FBRSL1: variants seen among roughly 807,000 people sequenced by gnomAD.
The protein encoded by FBRSL1 is fibrosin-1-like protein.
FBRSL1 carries 51 observed loss-of-function variants against 89.6 expected under a neutral mutation model. The ratio of observed to expected loss-of-function variants is 0.57; its 90% confidence interval spans 0.45 to 0.72. The LOEUF (loss-of-function observed/expected upper bound fraction) is 0.72, where lower values mean the gene tolerates loss of function less well. FBRSL1 is among the 30% of genes least tolerant of loss of function. The probability of loss-of-function intolerance (pLI) is 0.00; values close to 1 mark genes in which losing one functional copy is unlikely to be tolerated. For missense variants in FBRSL1, 1,618 were observed against 1,451.8 expected (o/e 1.11, Z -1.86); for synonymous variants, 779 against 681.1 (o/e 1.14, Z -2.24).
intron 18 of FBRSL1, among the ~76,000 whole-genome samples, chr12:132,582,487 GAGCCCCGGGGT>G (rs1280473130): frequency 6.7e-6 from 1 of 149,960 alleles, no homozygotes; most frequent in Non-Finnish European, 1.5e-5. Context: ...CAGCTCTGCT[GAGCCCCGGGGT>G]ACGGGGGCCA....
intron 2 of FBRSL1, among the ~76,000 whole-genome samples, chr12:132,514,328 C>A (rs1366279868): frequency 6.6e-6 from 1 of 152,196 alleles, no homozygotes; most frequent in Non-Finnish European, 1.5e-5. Context: ...GTCCTGGGGC[C>A]TCGGAGGGAT....
intron 15 of FBRSL1, among the ~76,000 whole-genome samples, chr12:132,577,554 G>A (rs1330398463): frequency 2.6e-5 from 4 of 152,032 alleles, no homozygotes; most frequent in African/African-American, 9.7e-5. Context: ...ACTGTCCTCA[G>A]TAGCACGGCC....
At chr12:132,498,370 G>A (rs529941833) in intron 1 of FBRSL1, among the ~76,000 whole-genome samples, 95 of 152,346 alleles carry the variant, frequency 6.2e-4, no homozygotes, top group African/African-American at 2.2e-3. Context: ...CTACCTGCCT[G>A]TCAGACACCT....
Position 132,570,506 on chromosome 12 carries a change from G to A in FBRSL1, c.1179G>A (p.Pro393=), listed in dbSNP as rs1033463179. 2.9e-5 allele frequency: 45 copies of A among 1,526,376 alleles called. No individual in the cohort carries two copies. The highest frequency in any genetic ancestry group is 1.2e-4 in the East Asian group (5 of 40,420). 94.6% of individuals were successfully genotyped at this position (1,526,376 alleles called of 1,614,324 possible). A position where few individuals can be genotyped will look rare whatever the true frequency, so the allele number is the denominator to read the frequency against. ...CACTGCCCCCGCCCCCGGCGCTGCC[G>A]GCCAGCAGCCTGGTCCTCCCAGGAC... ...PPTLPPPPAL[P]ASSLVLPGHP... The change falls in exon 8 of 19, where the codon CCG becomes CCA. Residue 393 remains proline (P), a synonymous_variant. Coordinates refer to ENST00000680143, the MANE Select transcript of FBRSL1 (RefSeq NM_001367871.1).
chr12:132,513,966 G>A (rs1457759795), intron 2 of FBRSL1, among the ~76,000 whole-genome samples: 1 of 152,176 alleles, frequency 6.6e-6, no homozygotes, highest in East Asian at 1.9e-4. Context: ...CCTCGTCCGA[G>A]GGCCCCGTCT....
At chr12:132,557,600 G>A (rs937082962) in intron 5 of FBRSL1, among the ~76,000 whole-genome samples, 39 of 152,216 alleles carry the variant, frequency 2.6e-4, no homozygotes, top group African/African-American at 9.4e-4. Flanking sequence ...GTTAGAAAGT[G>A]GGGTTGGAAG....
intron 5 of FBRSL1, among the ~76,000 whole-genome samples, chr12:132,555,197 G>A (rs1185410144): frequency 6.6e-6 from 1 of 152,198 alleles, no homozygotes; most frequent in African/African-American, 2.4e-5. Context: ...AATATTTCAC[G>A]AACGTTAAAC....
rs1472973063 is a variant in FBRSL1 at position 132,582,206 on chromosome 12, G to A, written c.2141G>A (p.Arg714Gln). 6.5e-7 allele frequency: 1 copy of A among 1,550,186 alleles called. No individual in the cohort carries two copies. The highest frequency in any genetic ancestry group is 1.7e-4 in the Middle Eastern group (1 of 5,992). The stretch of plus-strand genomic sequence containing the variant: ...TGGCCCAAGTCCGTGGACGCGGAGC[G>A]GGTGTCAGCCCTGACCAACCATGAC... ...PPWPKSVDAERVSALTNHDRE... is the reference protein window; with the variant it reads ...PPWPKSVDAEQVSALTNHDRE... Residue 714 changes from arginine (R) to glutamine (Q), a missense_variant, in exon 18 of 19, where the codon CGG (arginine) becomes CAG (glutamine). Transcript: ENST00000680143.
At chr12:132,506,789 G>T (rs1057316597) in intron 1 of FBRSL1, among the ~76,000 whole-genome samples, 1 of 152,270 alleles carries the variant, frequency 6.6e-6, no homozygotes, top group East Asian at 1.9e-4. Context: ...GGAGCAGGCC[G>T]CTCACAGCAG....
At chr12:132,503,715 A>C (rs1322533509) in intron 1 of FBRSL1, among the ~76,000 whole-genome samples, 2 of 152,222 alleles carry the variant, frequency 1.3e-5, no homozygotes, top group African/African-American at 4.8e-5. Context: ...CAGCCATGCC[A>C]GCTGGGTGCT....
intron 1 of FBRSL1, among the ~76,000 whole-genome samples, chr12:132,497,266 G>A (rs1566094676): frequency 6.6e-6 from 1 of 152,152 alleles, no homozygotes; most frequent in Non-Finnish European, 1.5e-5. Flanking sequence ...GTTTGGGGTG[G>A]GGACACGGGT....
chr12:132,493,703 C>A (rs1181888578), intron 1 of FBRSL1, among the ~76,000 whole-genome samples: 1 of 152,322 alleles, frequency 6.6e-6, no homozygotes, highest in East Asian at 1.9e-4. Context: ...GGGGCAGGCC[C>A]CCGCCCCCTT....
chr12:132,544,321 C>T (rs901526922), intron 4 of FBRSL1, among the ~76,000 whole-genome samples: 1 of 152,106 alleles, frequency 6.6e-6, no homozygotes, highest in African/African-American at 2.4e-5. Context: ...CTGCTGCCTC[C>T]TGGCTGCCAT....
At chr12:132,525,252 C>T (rs556174952) in intron 2 of FBRSL1, among the ~76,000 whole-genome samples, 1 of 152,364 alleles carries the variant, frequency 6.6e-6, no homozygotes, top group South Asian at 2.1e-4. Flanking sequence ...AGCCAGGGGA[C>T]AGTGGGTGGC....
At chr12:132,536,203 AGTGT>A (rs1164337166) in intron 4 of FBRSL1, among the ~76,000 whole-genome samples, 3 of 142,970 alleles carry the variant, frequency 2.1e-5, no homozygotes, top group Admixed American at 1.4e-4. Context: ...TGTACATGAT[AGTGT>A]GTGTGAGTGC....
chr12:132,541,752 G>T (rs979586187), intron 4 of FBRSL1, among the ~76,000 whole-genome samples: 2 of 152,272 alleles, frequency 1.3e-5, no homozygotes, highest in African/African-American at 4.8e-5. Context: ...CGCTTGATTG[G>T]AATGCATTGC....
rs977332880 is a variant in FBRSL1, at chr12:132,572,270, C to G, written c.1378-18C>G. ...TGTCGTGTGTGCGGGGCCTCACCCT[C>G]CTCTCCTTCCCTTCCAGTTTGACAA... On this transcript the variant is annotated intron_variant, in intron 9 of 18. Transcript: ENST00000680143. The G allele has an allele frequency of 1.4e-5, 21 of 1,550,438 alleles. No individual in the cohort carries two copies. Among genetic ancestry groups the G allele is most frequent in the Non-Finnish European group, 1.8e-5 (21 of 1,146,488 alleles).
At chr12:132,513,291 G>A (rs1182567157) in intron 2 of FBRSL1, among the ~76,000 whole-genome samples, 1 of 152,186 alleles carries the variant, frequency 6.6e-6, no homozygotes, top group Non-Finnish European at 1.5e-5. Flanking sequence ...AACATGGCTT[G>A]TTCCCTTGTT....
At chr12:132,562,174 G>A (rs959854351) in intron 5 of FBRSL1, among the ~76,000 whole-genome samples, 2 of 152,152 alleles carry the variant, frequency 1.3e-5, no homozygotes, top group Non-Finnish European at 2.9e-5. Flanking sequence ...AGGTGGAGGC[G>A]GACCCCATGG....
Sources: allele counts gnomAD v4.1 joint callset (sites outside exome capture counted in the v4.1 genomes callset), GRCh38; gene constraint gnomAD v4.1.1; transcripts MANE v1.5; gene names NCBI Gene and HGNC (gene_info 2026-07-23, HGNC 2026-07-21).